Variants in MACROD2 observed in about 807,000 individuals in gnomAD.
MACROD2 encodes the protein ADP-ribose glycohydrolase MACROD2.
Under a neutral mutation model 70.4 loss-of-function variants are expected in MACROD2, and 36 were observed. The observed-to-expected ratio is 0.51, with a 90% CI of 0.39 to 0.68. The LOEUF (loss-of-function observed/expected upper bound fraction) is 0.68, where lower values mean the gene tolerates loss of function less well. MACROD2 is among the 30% of genes least tolerant of loss of function. The pLI is 0.00. For synonymous variants in MACROD2, 172 were observed against 178.8 expected, an observed-to-expected ratio of 0.96 and a Z score of 0.30; for missense variants, 496 against 538.4, an observed-to-expected ratio of 0.92 and a Z score of 0.78.
chr20:14,681,201 A>T (rs920655344), intron 4 of MACROD2, among the ~76,000 whole-genome samples: 2 of 152,154 alleles, frequency 1.3e-5, no homozygotes, highest in Admixed American at 1.3e-4. Flanking sequence ...CACTGGGGAA[A>T]ACTGTTATGT....
At chr20:14,828,698 G>A (rs188511867) in intron 5 of MACROD2, among the ~76,000 whole-genome samples, 2 of 152,174 alleles carry the variant, frequency 1.3e-5, no homozygotes, top group Non-Finnish European at 2.9e-5. Flanking sequence ...AAGCTTCCCT[G>A]AAGAGGTGAC....
intron 6 of MACROD2, among the ~76,000 whole-genome samples, chr20:15,421,834 CTGTG>C (rs1429844580): frequency 6.6e-6 from 1 of 152,136 alleles, no homozygotes; most frequent in Non-Finnish European, 1.5e-5. Context: ...AAGCAAACAA[CTGTG>C]TGTCAGGTGG....
At chr20:14,779,518 A>G (rs1365182211) in intron 5 of MACROD2, among the ~76,000 whole-genome samples, 1 of 152,164 alleles carries the variant, frequency 6.6e-6, no homozygotes, top group Non-Finnish European at 1.5e-5. Context: ...GCATTCAGTC[A>G]GCAGGTCATA....
chr20:14,909,080 G>A (rs1321934729), intron 5 of MACROD2, among the ~76,000 whole-genome samples: 1 of 152,164 alleles, frequency 6.6e-6, no homozygotes, highest in African/African-American at 2.4e-5. Flanking sequence ...AGAGATGGGA[G>A]ATTTAATAGT....
At chr20:14,575,770 A>C (rs1980559643) in intron 4 of MACROD2, among the ~76,000 whole-genome samples, 1 of 152,194 alleles carries the variant, frequency 6.6e-6, no homozygotes. Context: ...ATTTGGATGA[A>C]GGATGTATTA....
chr20:15,183,466 C>T (rs1285868048), intron 5 of MACROD2, among the ~76,000 whole-genome samples: 1 of 151,868 alleles, frequency 6.6e-6, no homozygotes, highest in African/African-American at 2.4e-5. Flanking sequence ...TCTGAGGCTG[C>T]ACACTAGCCT....
At chr20:15,027,432 C>CT in intron 5 of MACROD2, among the ~76,000 whole-genome samples, 1 of 152,192 alleles carries the variant, frequency 6.6e-6, no homozygotes, top group African/African-American at 2.4e-5. Context: ...AGTGTGTGGT[C>CT]TGGAGCCAAA....
At chr20:15,477,101 T>TG (rs986971664) in intron 7 of MACROD2, among the ~76,000 whole-genome samples, 5 of 144,858 alleles carry the variant, frequency 3.5e-5, no homozygotes, top group African/African-American at 1.3e-4. Flanking sequence ...TATTTTTAGT[T>TG]TTTTTTTTTT....
intron 8 of MACROD2, among the ~76,000 whole-genome samples, chr20:15,567,608 T>C (rs559603005): frequency 2.0e-5 from 3 of 152,364 alleles, no homozygotes; most frequent in South Asian, 4.2e-4. Context: ...CAGGATACTC[T>C]GGCAACAACT....
At chr20:14,695,508 G>T (rs1378678897) in intron 5 of MACROD2, among the ~76,000 whole-genome samples, 1 of 152,144 alleles carries the variant, frequency 6.6e-6, no homozygotes, top group African/African-American at 2.4e-5. Flanking sequence ...ATAACTATCT[G>T]GAGTCACCAT....
At chr20:15,232,275 A>G (rs141452379) in intron 6 of MACROD2, among the ~76,000 whole-genome samples, 596 of 152,186 alleles carry the variant, frequency 3.9e-3, no homozygotes, top group Non-Finnish European at 6.9e-3. Context: ...TATTTTGTCA[A>G]CTTATCACAA....
At chr20:15,055,260 A>G (rs936536765) in intron 5 of MACROD2, among the ~76,000 whole-genome samples, 12 of 152,082 alleles carry the variant, frequency 7.9e-5, no homozygotes, top group African/African-American at 2.9e-4. Flanking sequence ...TATACCCACA[A>G]ATTTTGAATA....
intron 6 of MACROD2, among the ~76,000 whole-genome samples, chr20:15,374,351 C>T (rs775020417): frequency 1.8e-4 from 28 of 151,620 alleles, no homozygotes; most frequent in Non-Finnish European, 3.5e-4. Flanking sequence ...TATATGATTA[C>T]GTATATCACT....
At chr20:16,011,885 G>A (rs1568707899) in intron 15 of MACROD2, among the ~76,000 whole-genome samples, 1 of 152,206 alleles carries the variant, frequency 6.6e-6, no homozygotes, top group Non-Finnish European at 1.5e-5. Context: ...AAAACTCCAG[G>A]CGGCACAGTT....
At chr20:15,283,456 T>C (rs1237934303) in intron 6 of MACROD2, among the ~76,000 whole-genome samples, 1 of 152,164 alleles carries the variant, frequency 6.6e-6, no homozygotes, top group East Asian at 1.9e-4. Context: ...GTGGATCACC[T>C]GAGGTCAGGA....
intron 4 of MACROD2, among the ~76,000 whole-genome samples, chr20:14,649,801 G>C (rs1411133699): frequency 6.6e-6 from 1 of 152,070 alleles, no homozygotes; most frequent in Non-Finnish European, 1.5e-5. Flanking sequence ...CTAATACCAG[G>C]GCCCTCCCTT....
At chr20:14,487,338 C>G in intron 3 of MACROD2, among the ~76,000 whole-genome samples, 1 of 152,082 alleles carries the variant, frequency 6.6e-6, no homozygotes, top group East Asian at 1.9e-4. Context: ...TGCCATGGAG[C>G]CTGGCACATG....
intron 5 of MACROD2, among the ~76,000 whole-genome samples, chr20:15,089,358 G>A (rs1259702494): frequency 6.6e-6 from 1 of 152,060 alleles, no homozygotes; most frequent in Non-Finnish European, 1.5e-5. Context: ...CAGAAGAAAT[G>A]TTTTAAAGTG....
intron 12 of MACROD2, among the ~76,000 whole-genome samples, 187 bp downstream of exon 12, chr20:15,937,731 A>G (rs1259206966): frequency 0.012 from 2 of 168 alleles, no homozygotes; most frequent in African/African-American, 0.016. Context: ...TAGAAAATTT[A>G]TATATATATA....
Sources: allele counts gnomAD v4.1 joint callset (sites outside exome capture counted in the v4.1 genomes callset), GRCh38; gene constraint gnomAD v4.1.1; transcripts MANE v1.5; gene names NCBI Gene and HGNC (gene_info 2026-07-23, HGNC 2026-07-21).